NCOA1: variants seen among roughly 807,000 people sequenced by gnomAD.
The protein encoded by NCOA1 is nuclear receptor coactivator 1.
A neutral mutation model predicts 150.9 loss-of-function variants in NCOA1; 35 were observed. That is an observed-to-expected ratio of 0.23 (90% CI 0.18 to 0.31). The LOEUF is 0.31. Ranked by LOEUF, NCOA1 falls within the 10% of genes least tolerant of loss-of-function variation. The probability of loss-of-function intolerance (pLI) is 1.00; values close to 1 mark genes in which losing one functional copy is unlikely to be tolerated. For synonymous variants in NCOA1, 590 were observed against 630.0 expected, an observed-to-expected ratio of 0.94 and a Z score of 0.95; for missense variants, 1,491 against 1,749.3, an observed-to-expected ratio of 0.85 and a Z score of 2.63.
intron 2 of NCOA1, among the ~76,000 whole-genome samples, chr2:24,577,028 A>C (rs1227480600): frequency 1.3e-5 from 2 of 151,966 alleles, no homozygotes; most frequent in Non-Finnish European, 2.9e-5. Context: ...TTTTAATTTT[A>C]TGAGTTTTTT....
intron 3 of NCOA1, among the ~76,000 whole-genome samples, chr2:24,618,006 A>G (rs1463033134): frequency 6.6e-6 from 1 of 152,224 alleles, no homozygotes; most frequent in Non-Finnish European, 1.5e-5. Context: ...TTATAATTCC[A>G]TAATTATTAA....
chr2:24,720,749 G>T (rs551019268), intron 14 of NCOA1, among the ~76,000 whole-genome samples: 1 of 152,118 alleles, frequency 6.6e-6, no homozygotes, highest in African/African-American at 2.4e-5. Flanking sequence ...ATATGATAGC[G>T]TATAAAGAGA....
At chr2:24,725,405 A>G (rs1674565687) in intron 14 of NCOA1, among the ~76,000 whole-genome samples, 1 of 152,100 alleles carries the variant, frequency 6.6e-6, no homozygotes, top group South Asian at 2.1e-4. Flanking sequence ...TCTCTGGGTC[A>G]GGTTATCCCT....
chr2:24,532,424 T>C (rs187880671), intron 1 of NCOA1, among the ~76,000 whole-genome samples: 1 of 152,328 alleles, frequency 6.6e-6, no homozygotes, highest in Admixed American at 6.5e-5. Context: ...CTGATGGTAG[T>C]TTCTTTTGTC....
At chr2:24,714,981 T>C (rs1260360575) in intron 14 of NCOA1, among the ~76,000 whole-genome samples, 1 of 152,088 alleles carries the variant, frequency 6.6e-6, no homozygotes, top group African/African-American at 2.4e-5. Context: ...TTTCTATACT[T>C]AGTATCATTC....
At chr2:24,594,567 A>G (rs1331531667) in intron 3 of NCOA1, among the ~76,000 whole-genome samples, 1 of 152,154 alleles carries the variant, frequency 6.6e-6, no homozygotes, top group African/African-American at 2.4e-5. Context: ...CTAAACTACA[A>G]GAGCAGATAT....
chr2:24,546,500 C>G (rs956798837), intron 1 of NCOA1, among the ~76,000 whole-genome samples: 1 of 152,130 alleles, frequency 6.6e-6, no homozygotes. Flanking sequence ...GTTCATTGTT[C>G]TTTGTACAAG....
intron 4 of NCOA1, among the ~76,000 whole-genome samples, chr2:24,644,782 A>T (rs989931058): frequency 6.6e-6 from 1 of 152,230 alleles, no homozygotes; most frequent in Admixed American, 6.5e-5. Context: ...TAGACTTGTA[A>T]TTGAATTATA....
chr2:24,541,787 T>C (rs899703795), intron 1 of NCOA1, among the ~76,000 whole-genome samples: 3 of 152,226 alleles, frequency 2.0e-5, no homozygotes, highest in African/African-American at 7.2e-5. Flanking sequence ...AGAAAATTCA[T>C]AGGAATAAGA....
intron 20 of NCOA1, 21 bp from the exon 21 acceptor site, chr2:24,757,952 G>T (rs759136138): frequency 2.5e-6 from 4 of 1,610,902 alleles, no homozygotes; most frequent in Admixed American, 3.4e-5. Flanking sequence ...GATGTAATCT[G>T]GATTGTTTTT....
At chr2:24,559,426 CTT>C (rs1666208566) in intron 1 of NCOA1, among the ~76,000 whole-genome samples, 1 of 152,198 alleles carries the variant, frequency 6.6e-6, no homozygotes, top group African/African-American at 2.4e-5. Context: ...TTCCAACAGT[CTT>C]TGCACATCTG....
intron 2 of NCOA1, among the ~76,000 whole-genome samples, chr2:24,584,161 T>C (rs542603796): frequency 2.6e-5 from 4 of 152,236 alleles, no homozygotes; most frequent in African/African-American, 2.4e-5. Context: ...CCCATAAATA[T>C]AGTTACTAAA....
chr2:24,714,331 CAT>C (rs1673910935), intron 14 of NCOA1, among the ~76,000 whole-genome samples: 1 of 152,024 alleles, frequency 6.6e-6, no homozygotes, highest in South Asian at 2.1e-4. Flanking sequence ...AATTAAGACA[CAT>C]GATGTAGCAA....
intron 9 of NCOA1, among the ~76,000 whole-genome samples, chr2:24,693,038 T>C (rs530909074): frequency 2.0e-5 from 3 of 152,078 alleles, no homozygotes; most frequent in Non-Finnish European, 4.4e-5. Flanking sequence ...TTTTTTTGTG[T>C]TTTTTAGTAG....
intron 6 of NCOA1, among the ~76,000 whole-genome samples, chr2:24,667,890 GAAAA>G (rs960835205): frequency 4.6e-5 from 7 of 151,294 alleles, no homozygotes; most frequent in African/African-American, 1.7e-4. Flanking sequence ...TTTAAAAACA[GAAAA>G]AAAAATCTAT....
intron 1 of NCOA1, among the ~76,000 whole-genome samples, chr2:24,513,726 G>C (rs1664033764): frequency 6.6e-6 from 1 of 152,122 alleles, no homozygotes; most frequent in Non-Finnish European, 1.5e-5. Flanking sequence ...AAACATTACT[G>C]TCAGAGTGTG....
At chr2:24,669,752 A>G (rs995405216) in intron 6 of NCOA1, among the ~76,000 whole-genome samples, 1 of 152,252 alleles carries the variant, frequency 6.6e-6, no homozygotes, top group African/African-American at 2.4e-5. Context: ...CAACAAGCAC[A>G]TGAAAAAGAT....
chr2:24,649,630 G>A (rs1383257536), intron 4 of NCOA1, among the ~76,000 whole-genome samples: 1 of 152,100 alleles, frequency 6.6e-6, no homozygotes, highest in Non-Finnish European at 1.5e-5. Context: ...ATTTTAATAA[G>A]GCAAATGTTT....
intron 10 of NCOA1, among the ~76,000 whole-genome samples, chr2:24,693,961 G>A (rs1183123985): frequency 6.6e-6 from 1 of 152,170 alleles, no homozygotes; most frequent in Non-Finnish European, 1.5e-5. Context: ...AGCCCCAAAG[G>A]ATGAAGTGGT....
Sources: gnomAD v4.1 joint callset for allele counts (sites outside exome capture counted in the v4.1 genomes callset) on GRCh38, gnomAD v4.1.1 for gene constraint, MANE v1.5 for transcripts, NCBI Gene and HGNC (gene_info 2026-07-23, HGNC 2026-07-21) for gene names.